LMTK2: variants seen among roughly 807,000 people sequenced by gnomAD.
The protein encoded by LMTK2 is serine/threonine-protein kinase LMTK2.
LMTK2 carries 37 observed loss-of-function variants against 127.5 expected under a neutral mutation model. The ratio of observed to expected loss-of-function variants is 0.29; its 90% CI spans 0.22 to 0.38. The LOEUF (loss-of-function observed/expected upper bound fraction) is 0.38, where lower values mean the gene tolerates loss of function less well. Among genes scored for constraint, LMTK2 ranks in the 10% least tolerant of loss-of-function variants. The pLI is 1.00. For synonymous variants in LMTK2, 819 were observed against 810.1 expected (o/e 1.01, Z -0.19); for missense variants, 1,694 against 1,920.3 (o/e 0.88, Z 2.20).
rs756713397 is a variant in LMTK2 at position 98,190,868 on chromosome 7, C to T, written c.1139C>T (p.Ser380Phe). The change falls in exon 10 of 14, where the codon TCT (serine) becomes TTT (phenylalanine). Residue 380 changes from serine (S) to phenylalanine (F), a missense_variant. Physicochemically the swap from Ser to Phe is radical, Grantham distance 155. This residue lies in a region of LMTK2 where 216 missense variants were observed against 266.8 expected (regional missense o/e 0.81). Coordinates refer to ENST00000297293, the MANE Select transcript of LMTK2 (RefSeq NM_014916.4). ...AAGCCCCAGCTGGAGCAGCCCTACT[C>T]TGATAGATGGTTGGTAGCCTCACAT... The part of the protein sequence containing the change: ...LPKPQLEQPY[S>F]DRWYEVLQFC... The T allele has an allele frequency of 1.9e-6, 3 of 1,614,138 alleles. No individual in the cohort carries two copies. Among genetic ancestry groups the T allele is most frequent in the Non-Finnish European group, 2.5e-6 (3 of 1,179,998 alleles).
chr7:98,167,440 C>T lies in LMTK2; in HGVS notation c.658-4101C>T, dbSNP rs1413013488. Among the ~76,000 whole-genome samples, 5 of 152,140 alleles carry T rather than the reference C, an allele frequency of 3.3e-5. No individual in the cohort carries two copies. In the East Asian group the frequency reaches 7.7e-4, roughly 23 times the overall value. ...CTCAGGCGAATGGATGCAGGGAGGC[C>T]GCAGGGAGACTGGCGCAGGTGTGTC... On this transcript the variant is annotated intron_variant, in intron 6 of 13. Coordinates refer to ENST00000297293, the MANE Select transcript of LMTK2 (RefSeq NM_014916.4).
At chr7:98,152,955 C>T (rs1311727873) in intron 4 of LMTK2, among the ~76,000 whole-genome samples, 1 of 152,076 alleles carries the variant, frequency 6.6e-6, no homozygotes, top group African/African-American at 2.4e-5. Flanking sequence ...GGGGATAAGA[C>T]ATGGACTGTG....
chr7:98,144,812 A>G (rs766281358), intron 3 of LMTK2, among the ~76,000 whole-genome samples: 2 of 146,192 alleles, frequency 1.4e-5, no homozygotes, highest in Non-Finnish European at 3.0e-5. Context: ...CTTTTTTTTC[A>G]CTTACCAACA....
At chr7:98,143,752 A>C (rs1037252742) in intron 3 of LMTK2, among the ~76,000 whole-genome samples, 12 of 152,126 alleles carry the variant, frequency 7.9e-5, no homozygotes, top group Admixed American at 2.0e-4. Context: ...AGACATGTTG[A>C]CTCTTGATCG....
At chr7:98,139,680 A>G (rs1371879671) in intron 2 of LMTK2, among the ~76,000 whole-genome samples, 5 of 152,218 alleles carry the variant, frequency 3.3e-5, no homozygotes, top group Non-Finnish European at 7.3e-5. Flanking sequence ...TACAAATAGC[A>G]ATAATGTCCT....
intron 2 of LMTK2, among the ~76,000 whole-genome samples, chr7:98,140,927 C>T (rs573040349): frequency 9.3e-4 from 141 of 151,584 alleles, no homozygotes; most frequent in Admixed American, 3.7e-3. Context: ...CGTGGTGATG[C>T]GTGCCTGTGG....
Position 98,203,977 on chromosome 7 carries a change from C to T in LMTK2, c.4274C>T (p.Pro1425Leu). The change falls in exon 13 of 14, where the codon CCA (proline) becomes CTA (leucine). Residue 1425 changes from proline (P) to leucine (L), a missense_variant. Coordinates refer to ENST00000297293, the MANE Select transcript of LMTK2 (RefSeq NM_014916.4). ...GGFEWDDDFS[P>L]DPFMSKTTSN... is the part of the protein sequence containing the mutation. Reference sequence around the variant, plus strand: ...TTTGAGTGGGATGATGACTTCTCCCCAGATCCTTTTATGTCAAAGACAACA... The same window carrying T: ...TTTGAGTGGGATGATGACTTCTCCCTAGATCCTTTTATGTCAAAGACAACA... 1.2e-6 allele frequency: 2 copies of T among 1,614,124 alleles called. No individual in the cohort carries two copies. Among genetic ancestry groups the T allele is most frequent in the Non-Finnish European group, 8.5e-7 (1 of 1,180,004 alleles).
At chr7:98,112,268 G>A (rs1796211049) in intron 1 of LMTK2, among the ~76,000 whole-genome samples, 1 of 152,122 alleles carries the variant, frequency 6.6e-6, no homozygotes, top group African/African-American at 2.4e-5. Context: ...TGCGATCATA[G>A]CTCACTGCAA....
intron 6 of LMTK2, among the ~76,000 whole-genome samples, chr7:98,167,456 CAGGTGTGTCCTCA>C (rs1433979790): frequency 2.0e-5 from 3 of 152,190 alleles, no homozygotes; most frequent in Non-Finnish European, 4.4e-5. Flanking sequence ...GAGACTGGCG[CAGGTGTGTCCTCA>C]AGGTGGGGTG....
chr7:98,152,512 G>T (rs1207411278), intron 4 of LMTK2, among the ~76,000 whole-genome samples: 2 of 152,200 alleles, frequency 1.3e-5, no homozygotes, highest in Non-Finnish European at 2.9e-5. Flanking sequence ...CTAGGGGCAC[G>T]ATGTGGAGGA....
rs1177107903 is a variant in LMTK2, at chr7:98,206,191, A to C, written c.*699A>C. The C allele has an allele frequency of 3.3e-5, 5 of 152,278 alleles. No homozygotes were observed. Among genetic ancestry groups the C allele is most frequent in the Non-Finnish European group, 7.3e-5 (5 of 68,052 alleles). 9.4% of individuals were successfully genotyped at this position (152,278 alleles called of 1,614,324 possible). A position where few individuals can be genotyped will look rare whatever the true frequency, so the allele number is the denominator to read the frequency against. On this transcript the variant is annotated 3_prime_UTR_variant, in exon 14 of 14. Coordinates refer to ENST00000297293, the MANE Select transcript of LMTK2 (RefSeq NM_014916.4). The stretch of plus-strand genomic sequence containing the variant: ...CATATGGTACTCTTTCATAAATGAT[A>C]AATGATTCTGAATGTTAGTGTTTTA...
At chr7:98,144,957 G>A (rs528393598) in intron 3 of LMTK2, among the ~76,000 whole-genome samples, 317 of 152,212 alleles carry the variant, frequency 2.1e-3, no homozygotes, top group Non-Finnish European at 3.5e-3. Context: ...TTTCTAATGC[G>A]AAAACAAATA....
intron 2 of LMTK2, among the ~76,000 whole-genome samples, chr7:98,137,917 A>G (rs1208038724): frequency 6.6e-6 from 1 of 152,202 alleles, no homozygotes; most frequent in African/African-American, 2.4e-5. Context: ...GTGGTCACTG[A>G]GATTACTGAG....
chr7:98,132,619 G>A (rs1796537937), intron 1 of LMTK2, among the ~76,000 whole-genome samples: 1 of 151,968 alleles, frequency 6.6e-6, no homozygotes. Context: ...CTTATGACTT[G>A]AACCACTGGG....
At chr7:98,116,401 T>C (rs534365888) in intron 1 of LMTK2, among the ~76,000 whole-genome samples, 5 of 151,640 alleles carry the variant, frequency 3.3e-5, no homozygotes, top group Admixed American at 2.6e-4. Flanking sequence ...TGTGTGTGTG[T>C]GTGTGCATGT....
intron 3 of LMTK2, among the ~76,000 whole-genome samples, chr7:98,148,064 C>T (rs971544726): frequency 9.2e-5 from 14 of 152,082 alleles, no homozygotes; most frequent in African/African-American, 3.1e-4. Flanking sequence ...GGTGTGGTAG[C>T]TTGTGCCTGT....
chr7:98,171,394 C>A lies in LMTK2; in HGVS notation c.658-147C>A. The A allele has an allele frequency of 1.1e-6, 1 of 903,946 alleles. No homozygotes were observed. 56.0% of individuals were successfully genotyped at this position (903,946 alleles called of 1,614,324 possible). A position where few individuals can be genotyped will look rare whatever the true frequency, so the allele number is the denominator to read the frequency against. Reference sequence around the variant, plus strand: ...AGCATAATAGTGTTCTATACTTTCGCAGTATTGGGTTGGAACTTCTTTAAG... The same window carrying A: ...AGCATAATAGTGTTCTATACTTTCGAAGTATTGGGTTGGAACTTCTTTAAG... On this transcript the variant is annotated intron_variant, in intron 6 of 13. Coordinates refer to ENST00000297293, the MANE Select transcript of LMTK2 (RefSeq NM_014916.4). This position sits in a 1 kb window ranked among gnomAD's most constrained non-coding sequence, Gnocchi z 5.1.
intron 7 of LMTK2, among the ~76,000 whole-genome samples, chr7:98,176,024 C>T (rs536316310): frequency 6.6e-5 from 10 of 152,292 alleles, no homozygotes; most frequent in East Asian, 1.9e-4. Context: ...AAATTATTGA[C>T]GATTCTCCTG....
chr7:98,156,796 C>T (rs1796931896), intron 5 of LMTK2, among the ~76,000 whole-genome samples: 1 of 152,108 alleles, frequency 6.6e-6, no homozygotes, highest in Non-Finnish European at 1.5e-5. Flanking sequence ...GCTGGAGACC[C>T]AGGGAATAGT....
Sources: allele counts gnomAD v4.1 joint callset (sites outside exome capture counted in the v4.1 genomes callset), GRCh38; gene constraint gnomAD v4.1.1; regional missense constraint gnomAD v4.1.1; non-coding constraint Gnocchi (gnomAD v3.1); transcripts MANE v1.5; gene names NCBI Gene and HGNC (gene_info 2026-07-23, HGNC 2026-07-21).